The following DSCAM variants were observed in gnomAD, a reference collection of about 807,000 sequenced individuals.
The protein encoded by DSCAM is DS cell adhesion molecule, also known as cell adhesion molecule DSCAM.
A neutral mutation model predicts 217.7 loss-of-function variants in DSCAM; 47 were observed. The observed-to-expected ratio is 0.22, with a 90% CI of 0.17 to 0.28. The LOEUF (loss-of-function observed/expected upper bound fraction) is 0.28. Among genes scored for constraint, DSCAM ranks in the 10% least tolerant of loss-of-function variants. The pLI is 1.00. For missense variants in DSCAM, 2,080 were observed against 2,618.3 expected (o/e 0.79, Z 4.49); for synonymous variants, 1,056 against 1,015.3 (o/e 1.04, Z -0.76).
intron 20 of DSCAM, among the ~76,000 whole-genome samples, chr21:40,098,518 G>A (rs2089711118): frequency 6.6e-6 from 1 of 152,182 alleles, no homozygotes; most frequent in African/African-American, 2.4e-5. Context: ...CAAGTCTGGT[G>A]CTATTTCCTC....
chr21:40,342,648 A>ATATATAT (rs61637421), intron 6 of DSCAM, among the ~76,000 whole-genome samples: 60 of 80,306 alleles, frequency 7.5e-4, no homozygotes, highest in East Asian at 2.1e-3. Flanking sequence ...ATATATATAT[A>ATATATAT]TTTTTTTTTT....
At chr21:40,654,107 A>G (rs1275918432) in intron 3 of DSCAM, among the ~76,000 whole-genome samples, 2 of 152,006 alleles carry the variant, frequency 1.3e-5, no homozygotes, top group Non-Finnish European at 2.9e-5. Flanking sequence ...AAAGAAAAAG[A>G]AAAAAGAAAA....
chr21:40,323,034 C>T (rs1317020522), intron 8 of DSCAM, among the ~76,000 whole-genome samples: 3 of 152,118 alleles, frequency 2.0e-5, no homozygotes, highest in Non-Finnish European at 4.4e-5. Flanking sequence ...CCACTTCACC[C>T]AAGGACAGGC....
chr21:40,408,770 C>T (rs2075299402), intron 3 of DSCAM, among the ~76,000 whole-genome samples: 1 of 152,190 alleles, frequency 6.6e-6, no homozygotes, highest in South Asian at 2.1e-4. Flanking sequence ...GACGTGTTCA[C>T]TCACATGTGC....
At chr21:40,505,610 T>A (rs2076204081) in intron 3 of DSCAM, among the ~76,000 whole-genome samples, 1 of 152,220 alleles carries the variant, frequency 6.6e-6, no homozygotes, top group African/African-American at 2.4e-5. Flanking sequence ...GATAAACATT[T>A]GGAGTGCCTT....
At chr21:40,107,241 T>C (rs62237596) in intron 20 of DSCAM, among the ~76,000 whole-genome samples, 13,531 of 151,144 alleles carry the variant, frequency 0.09, 923 homozygotes, top group East Asian at 0.29. Context: ...CCCAAAGTCA[T>C]TCAGGAGCAG....
chr21:40,712,994 G>A (rs1159306155), intron 1 of DSCAM, among the ~76,000 whole-genome samples: 1 of 152,184 alleles, frequency 6.6e-6, no homozygotes, highest in African/African-American at 2.4e-5. Context: ...CAAAGTAGAT[G>A]GGCCCCCGAT....
chr21:40,580,737 T>C (rs924192130), intron 3 of DSCAM, among the ~76,000 whole-genome samples: 2 of 152,036 alleles, frequency 1.3e-5, no homozygotes, highest in African/African-American at 4.8e-5. Context: ...CAAGACCAAA[T>C]GCAGTAAGTG....
chr21:40,624,901 C>T (rs1601800164), intron 3 of DSCAM, among the ~76,000 whole-genome samples: 2 of 151,974 alleles, frequency 1.3e-5, no homozygotes, highest in South Asian at 4.2e-4. Context: ...ATATTCATAC[C>T]AGTTATTTTA....
intron 3 of DSCAM, among the ~76,000 whole-genome samples, chr21:40,587,250 G>C (rs1327105594): frequency 1.3e-5 from 2 of 152,046 alleles, no homozygotes. Flanking sequence ...TTTCTGATGA[G>C]AACACTAGGG....
At chr21:40,299,751 A>C (rs958180578) in intron 9 of DSCAM, among the ~76,000 whole-genome samples, 1 of 152,076 alleles carries the variant, frequency 6.6e-6, no homozygotes, top group Non-Finnish European at 1.5e-5. Flanking sequence ...AGCATATGAG[A>C]ATGACCATTA....
chr21:40,214,313 C>G (rs1311507210), intron 11 of DSCAM, among the ~76,000 whole-genome samples: 2 of 152,180 alleles, frequency 1.3e-5, no homozygotes, highest in African/African-American at 2.4e-5. Flanking sequence ...AGCTGAGACT[C>G]TAAAGAGTGG....
intron 1 of DSCAM, among the ~76,000 whole-genome samples, chr21:40,817,770 AG>A (rs1226034867): frequency 2.0e-5 from 3 of 152,200 alleles, no homozygotes; most frequent in Non-Finnish European, 4.4e-5. Flanking sequence ...AGAAGGTAAA[AG>A]GAATATAACA....
intron 3 of DSCAM, among the ~76,000 whole-genome samples, chr21:40,501,671 A>C (rs941369789): frequency 2.0e-5 from 3 of 152,182 alleles, no homozygotes; most frequent in African/African-American, 7.2e-5. Flanking sequence ...TGCTCACAGC[A>C]ACCTCCGCCT....
chr21:40,687,702 C>T lies in DSCAM; in HGVS notation c.508+5108G>A, dbSNP rs527597780. Among the ~76,000 whole-genome samples the T allele has an allele frequency of 2.6e-5, 4 of 152,292 alleles. No individual in the cohort carries two copies. In the East Asian group the frequency reaches 7.7e-4, roughly 29 times the overall value. On this transcript the variant is annotated intron_variant, in intron 3 of 32. Transcript: ENST00000400454. The stretch of plus-strand genomic sequence containing the variant: ...AAAATGCAAAGGTTTTCTTAAATCA[C>T]AACCTCCTTTCTGAAACCTTCTCTA...
At chr21:40,706,848 A>G (rs2090723290) in intron 2 of DSCAM, among the ~76,000 whole-genome samples, 1 of 152,250 alleles carries the variant, frequency 6.6e-6, no homozygotes, top group African/African-American at 2.4e-5. Flanking sequence ...TTTGGGTAAT[A>G]TGACTGCCCA....
rs112398389 is a variant in DSCAM at position 40,804,567 on chromosome 21, G to C, written c.43+42052C>G. Among the ~76,000 whole-genome samples, 156 of 152,002 alleles carry C rather than the reference G, an allele frequency of 1.0e-3. 1 individual carries two copies. The highest frequency in any genetic ancestry group is 3.6e-3 in the African/African-American group (151 of 41,468). On this transcript the variant is annotated intron_variant, in intron 1 of 32. Coordinates refer to ENST00000400454, the MANE Select transcript of DSCAM (RefSeq NM_001389.5). ...TCCTGGAGAAGATGAGAGCCCCCACGGTTTCATTTTCTCATTTCTCAGCCA... is the reference window on the plus strand; with the variant it reads ...TCCTGGAGAAGATGAGAGCCCCCACCGTTTCATTTTCTCATTTCTCAGCCA...
intron 1 of DSCAM, among the ~76,000 whole-genome samples, chr21:40,796,432 T>C (rs1485390922): frequency 6.6e-6 from 1 of 152,194 alleles, no homozygotes; most frequent in East Asian, 1.9e-4. Context: ...TTTGTTGTCA[T>C]TGATCACAGA....
chr21:40,018,997 C>T (rs745785763), intron 32 of DSCAM, among the ~76,000 whole-genome samples: 7 of 152,192 alleles, frequency 4.6e-5, no homozygotes, highest in East Asian at 1.9e-4. Flanking sequence ...CAACTGTGTG[C>T]GTGCTGCAAA....
Sources: allele counts gnomAD v4.1 joint callset (sites outside exome capture counted in the v4.1 genomes callset), GRCh38; gene constraint gnomAD v4.1.1; transcripts MANE v1.5; gene names NCBI Gene and HGNC (gene_info 2026-07-23, HGNC 2026-07-21).